The following CCDC7 variants were observed in gnomAD, a reference collection of about 807,000 sequenced individuals.
CCDC7 encodes the protein coiled-coil domain containing 7, also known as coiled-coil domain-containing protein 7.
A neutral mutation model predicts 196.9 loss-of-function variants in CCDC7; 183 were observed. The observed-to-expected ratio is 0.93, with a 90% CI of 0.82 to 1.05. CCDC7 has a LOEUF of 1.05. Among genes scored for constraint, CCDC7 ranks in the 50% least tolerant of loss-of-function variants. The pLI, the probability that CCDC7 is intolerant of heterozygous loss-of-function variation, is 0.00. For synonymous variants in CCDC7, 525 were observed against 484.6 expected (o/e 1.08, Z -1.10); for missense variants, 1,540 against 1,482.2 (o/e 1.04, Z -0.64).
At chr10:32,855,252 A>C (rs2093706242) in intron 41 of CCDC7, among the ~76,000 whole-genome samples, 1 of 151,926 alleles carries the variant, frequency 6.6e-6, no homozygotes, top group Non-Finnish European at 1.5e-5. Flanking sequence ...GCAGTCCTCA[A>C]CCTTTTTGAC....
At chr10:32,769,933 A>G (rs551835376) in intron 28 of CCDC7, among the ~76,000 whole-genome samples, 1 of 152,322 alleles carries the variant, frequency 6.6e-6, no homozygotes, top group Non-Finnish European at 1.5e-5. Context: ...TAGTGCCGCA[A>G]TAAACATACA....
chr10:32,865,700 G>C (rs1379956987), intron 41 of CCDC7, among the ~76,000 whole-genome samples: 1 of 151,686 alleles, frequency 6.6e-6, no homozygotes, highest in Non-Finnish European at 1.5e-5. Context: ...TAATAACTAA[G>C]ATTCATTCCT....
intron 41 of CCDC7, among the ~76,000 whole-genome samples, chr10:32,873,734 G>C (rs2094509227): frequency 6.6e-6 from 1 of 151,726 alleles, no homozygotes; most frequent in Non-Finnish European, 1.5e-5. Flanking sequence ...ATTTATCTTG[G>C]ATATATACCT....
chr10:32,769,947 G>A lies in CCDC7; in HGVS notation c.2906-9030G>A, dbSNP rs182574045. On this transcript the variant is annotated intron_variant, in intron 28 of 41. Coordinates refer to ENST00000639629, the Ensembl canonical transcript of CCDC7. ...ATAGTGCCGCAATAAACATACATGT[G>A]CATGTGTCTTTATAGTAGAATGATT... Among the ~76,000 whole-genome samples the A allele has an allele frequency of 3.0e-4, 46 of 152,278 alleles. 1 individual carries two copies. The highest frequency in any genetic ancestry group is 7.7e-4 in the East Asian group (4 of 5,178).
exon 21 of CCDC7, chr10:32,664,115 A>G (rs2072117897): frequency 2.5e-6 from 1 of 396,536 alleles, no homozygotes; most frequent in South Asian, 1.3e-4. Flanking sequence ...CAAAAACGGA[A>G]GTAGAAGTAA....
chr10:32,472,095 T>C (rs1179182189), intron 6 of CCDC7, among the ~76,000 whole-genome samples: 1 of 152,216 alleles, frequency 6.6e-6, no homozygotes, highest in Admixed American at 6.5e-5. Flanking sequence ...AGTAAATGGA[T>C]GAAACAGGTT....
chr10:32,760,512 G>T (rs1005164150), intron 28 of CCDC7, among the ~76,000 whole-genome samples: 2 of 151,942 alleles, frequency 1.3e-5, no homozygotes, highest in African/African-American at 2.4e-5. Flanking sequence ...ACCAAACACC[G>T]CATATTCTCA....
rs535796215 is a variant in CCDC7, at chr10:32,518,313, A to G, written c.904-103A>G. The G allele has an allele frequency of 1.4e-5, 17 of 1,213,968 alleles. No homozygotes were observed. In the South Asian group the frequency reaches 1.5e-4, roughly 11 times the overall value. The allele number at this position is 1,213,968 out of a possible 1,614,324, so 75.2% of individuals were successfully genotyped here. A position where few individuals can be genotyped will look rare whatever the true frequency, so the allele number is the denominator to read the frequency against. ...CTGATATCAATGTTTCATTCTTTTC[A>G]TGAGTTAATGAAGACTTTCTTACCT... is the stretch of plus-strand genomic sequence containing the variant. On this transcript the variant is annotated intron_variant, in intron 10 of 41. Transcript: ENST00000639629.
At chr10:32,693,497 T>G (rs1324788924) in intron 23 of CCDC7, among the ~76,000 whole-genome samples, 3 of 152,202 alleles carry the variant, frequency 2.0e-5, no homozygotes, top group Admixed American at 2.0e-4. Context: ...TTGAAATCCC[T>G]TCAGGTCAAT....
At chr10:32,487,549 A>G (rs1047729757) in intron 8 of CCDC7, among the ~76,000 whole-genome samples, 10 of 152,122 alleles carry the variant, frequency 6.6e-5, no homozygotes, top group Non-Finnish European at 1.2e-4. Context: ...CCTTTGGAGG[A>G]GGAGAGGCAC....
intron 23 of CCDC7, among the ~76,000 whole-genome samples, chr10:32,692,819 T>A (rs573721604): frequency 2.0e-4 from 31 of 152,178 alleles, no homozygotes; most frequent in African/African-American, 7.2e-4. Flanking sequence ...TTAGCAAGGG[T>A]CAGATGCATC....
rs1007088687 is a variant in CCDC7, at chr10:32,565,806, T to C, written c.1197+186T>C. On this transcript the variant is annotated intron_variant, in intron 14 of 41. Coordinates refer to ENST00000639629, the Ensembl canonical transcript of CCDC7. ...TAATAAAATTTAATATTCATTCTTA[T>C]CAAAAATAGCGAGATATAAAGAAAA... 6.6e-5 allele frequency among the ~76,000 whole-genome samples: 10 copies of C among 152,096 alleles called. 1 individual carries two copies.
At chr10:32,694,689 A>T (rs2077484370) in intron 23 of CCDC7, among the ~76,000 whole-genome samples, 190 bp from the exon 25 acceptor site, 1 of 152,206 alleles carries the variant, frequency 6.6e-6, no homozygotes, top group African/African-American at 2.4e-5. Context: ...ATGTTATGAA[A>T]TAATGAGCTT....
intron 8 of CCDC7, among the ~76,000 whole-genome samples, chr10:32,485,732 T>G (rs911571246): frequency 2.6e-5 from 4 of 152,234 alleles, no homozygotes; most frequent in African/African-American, 4.8e-5. Context: ...ACATCTTTAT[T>G]CCTGCCTTCA....
intron 13 of CCDC7, among the ~76,000 whole-genome samples, chr10:32,544,708 A>G (rs1032733244): frequency 7.2e-5 from 11 of 152,162 alleles, no homozygotes; most frequent in African/African-American, 2.2e-4. Context: ...GTGTAAAACA[A>G]TAGCTACTCT....
chr10:32,882,644 A>C (rs2094833301), intron 22 of CCDC7, 49 bp from the exon 44 acceptor site: 1 of 152,186 alleles, frequency 6.6e-6, no homozygotes, highest in Non-Finnish European at 1.5e-5. Context: ...TGTATATTAG[A>C]AGTTGAATTA....
At chr10:32,852,813 GAAA>G (rs1214267899) in intron 40 of CCDC7, among the ~76,000 whole-genome samples, 1 of 152,076 alleles carries the variant, frequency 6.6e-6, no homozygotes. Context: ...CTTGCTTCTG[GAAA>G]AGCAAATGAA....
chr10:32,677,131 C>T (rs529940544), intron 21 of CCDC7, among the ~76,000 whole-genome samples: 2,365 of 145,474 alleles, frequency 0.016, 66 homozygotes, highest in African/African-American at 0.057. Context: ...AACCAAACAC[C>T]GCATGTTCTC....
chr10:32,575,829 G>C (rs2058124558), intron 16 of CCDC7, among the ~76,000 whole-genome samples: 1 of 152,134 alleles, frequency 6.6e-6, no homozygotes, highest in Non-Finnish European at 1.5e-5. Flanking sequence ...CTCTCCATCA[G>C]CCCTGGCTGA....
Sources: allele counts gnomAD v4.1 joint callset (sites outside exome capture counted in the v4.1 genomes callset), GRCh38; gene constraint gnomAD v4.1.1; transcripts MANE v1.5; gene names NCBI Gene and HGNC (gene_info 2026-07-23, HGNC 2026-07-21).